STEAP1: variants seen among roughly 807,000 people sequenced by gnomAD.
STEAP1 encodes STEAP1 protein.
Under a neutral mutation model 34.4 loss-of-function variants are expected in STEAP1, and 30 were observed. The observed-to-expected ratio is 0.87, with a 90% confidence interval of 0.65 to 1.18. The LOEUF is 1.18. Among genes scored for constraint, STEAP1 ranks in the 50% most tolerant of loss-of-function variants. STEAP1 has a pLI of 0.00. For synonymous variants in STEAP1, 116 were observed against 135.3 expected, an observed-to-expected ratio of 0.86 and a Z score of 0.99; for missense variants, 318 against 391.1, an observed-to-expected ratio of 0.81 and a Z score of 1.58.
chr7:90,161,589 A>G (rs1396823225), intron 3 of STEAP1, among the ~76,000 whole-genome samples: 1 of 152,018 alleles, frequency 6.6e-6, no homozygotes, highest in Non-Finnish European at 1.5e-5. Flanking sequence ...AACTTCTACC[A>G]CCCTCACAAG....
intron 1 of STEAP1, among the ~76,000 whole-genome samples, chr7:90,155,839 G>A (rs192050724): frequency 1.3e-5 from 2 of 152,208 alleles, no homozygotes; most frequent in Admixed American, 6.5e-5. Context: ...CCCAGACTCC[G>A]TTTGTAGTGG....
rs547005188 is a variant in STEAP1, at chr7:90,157,016, TAG to T, written c.-32+2476_-32+2477del. Among the ~76,000 whole-genome samples, 330 of 152,346 alleles carry T rather than the reference TAG, an allele frequency of 2.2e-3. 1 individual carries two copies. The highest frequency in any genetic ancestry group is 6.8e-3 in the Middle Eastern group (2 of 294). On this transcript the variant is annotated intron_variant, in intron 1 of 4. Transcript: ENST00000297205. Reference sequence around the variant, plus strand: ...CTTGGAATAATGCTTCTTAAGGAGATAGAGTGTCATTTCCTCCAGAGCAGGCA... The same window carrying T: ...CTTGGAATAATGCTTCTTAAGGAGATAGTGTCATTTCCTCCAGAGCAGGCA...
At chr7:90,157,931 A>T (rs1562783782) in intron 1 of STEAP1, among the ~76,000 whole-genome samples, 1 of 152,220 alleles carries the variant, frequency 6.6e-6, no homozygotes. Context: ...CTTAGATGGT[A>T]CAGCCTCCTA....
At chr7:90,164,409 C>T (rs1466893126) in intron 4 of STEAP1, 68 bp from the exon 5 acceptor site, 3 of 1,497,776 alleles carry the variant, frequency 2.0e-6, no homozygotes, top group East Asian at 2.3e-5. Context: ...CAGAGCATAT[C>T]CAGATGAGGT....
At chr7:90,155,765 G>C (rs1269619311) in intron 1 of STEAP1, among the ~76,000 whole-genome samples, 1 of 152,124 alleles carries the variant, frequency 6.6e-6, no homozygotes, top group Non-Finnish European at 1.5e-5. Context: ...TTGCTCTTGA[G>C]TGTGGTCTCC....
At chr7:90,163,070 A>G (rs1328087116) in intron 4 of STEAP1, 1 of 394,272 alleles carries the variant, frequency 2.5e-6, no homozygotes, top group Non-Finnish European at 5.7e-6. Flanking sequence ...AACACTGCCA[A>G]TTACCGTTTA....
In STEAP1 at chr7:90,164,659, G is replaced by C. The variant is rs1332750970; in HGVS notation, c.945G>C (p.Lys315Asn). The change falls in exon 5 of 5, where the codon AAG (lysine) becomes AAC (asparagine). Residue 315 changes from lysine (K) to asparagine (N), a missense_variant. Transcript: ENST00000297205. ...KSILFLPCLRKKILKIRHGWE... is the reference protein window; with the variant it reads ...KSILFLPCLRNKILKIRHGWE... The stretch of plus-strand genomic sequence containing the variant: ...TACTATTCCTGCCATGCTTGAGGAA[G>C]AAGATACTGAAGATTAGACATGGTT... 6.2e-7 allele frequency: 1 copy of C among 1,613,658 alleles called. No individual in the cohort carries two copies.
chr7:90,160,457 GT>G, intron 2 of STEAP1, among the ~76,000 whole-genome samples: 1 of 151,184 alleles, frequency 6.6e-6, no homozygotes, highest in Non-Finnish European at 1.5e-5. Flanking sequence ...CTCAATGGAA[GT>G]TTTAGCAGAA....
At chr7:90,157,044 T>C (rs1183523699) in intron 1 of STEAP1, among the ~76,000 whole-genome samples, 1 of 152,242 alleles carries the variant, frequency 6.6e-6, no homozygotes, top group Non-Finnish European at 1.5e-5. Flanking sequence ...AGAGCAGGCA[T>C]GAGTGTCATT....
intron 1 of STEAP1, among the ~76,000 whole-genome samples, chr7:90,158,801 T>C (rs927580352): frequency 6.6e-6 from 1 of 152,224 alleles, no homozygotes; most frequent in Non-Finnish European, 1.5e-5. Flanking sequence ...CTGTTACATA[T>C]GCAGTCAGTC....
intron 1 of STEAP1, among the ~76,000 whole-genome samples, chr7:90,156,738 G>A (rs1185281091): frequency 2.0e-5 from 3 of 152,174 alleles, no homozygotes; most frequent in African/African-American, 4.8e-5. Flanking sequence ...TGTCTTCCAC[G>A]AAACCAGTCC....
In STEAP1 at chr7:90,164,822, C is replaced by A; in HGVS notation, c.*88C>A. 2 of 1,303,664 alleles carry A rather than the reference C, an allele frequency of 1.5e-6. No individual in the cohort carries two copies. Among genetic ancestry groups the A allele is most frequent in the Non-Finnish European group, 2.1e-6 (2 of 973,636 alleles). 80.8% of individuals were successfully genotyped at this position (1,303,664 alleles called of 1,614,324 possible). ...TGTATTTGTTAATAAAATGATTATT[C>A]AAGGATCTTGATGTTTCTCTTTGTA... is the stretch of plus-strand genomic sequence containing the variant. On this transcript the variant is annotated 3_prime_UTR_variant, in exon 5 of 5. Coordinates refer to ENST00000297205, the MANE Select transcript of STEAP1 (RefSeq NM_012449.3).
chr7:90,164,673 T>C lies in STEAP1; in HGVS notation c.959T>C (p.Ile320Thr). ...TGCTTGAGGAAGAAGATACTGAAGA[T>C]TAGACATGGTTGGGAAGACGTCACC... is the stretch of plus-strand genomic sequence containing the variant. ...LPCLRKKILK[I>T]RHGWEDVTKI... The change falls in exon 5 of 5, where the codon ATT becomes ACT. Residue 320 changes from isoleucine to threonine, a missense_variant. Physicochemically the swap from Ile to Thr is moderately conservative, Grantham distance 89. Transcript: ENST00000297205. The C allele has an allele frequency of 6.2e-7, 1 of 1,613,636 alleles. No homozygotes were observed. Among genetic ancestry groups the C allele is most frequent in the Non-Finnish European group, 8.5e-7 (1 of 1,179,782 alleles).
chr7:90,164,818 T>C lies in STEAP1; in HGVS notation c.*84T>C. The C allele has an allele frequency of 7.6e-7, 1 of 1,317,774 alleles. No homozygotes were observed. Among genetic ancestry groups the C allele is most frequent in the Non-Finnish European group, 1.0e-6 (1 of 984,850 alleles). The allele number at this position is 1,317,774 out of a possible 1,614,324, so 81.6% of individuals were successfully genotyped here. A position where few individuals can be genotyped will look rare whatever the true frequency, so the allele number is the denominator to read the frequency against. On this transcript the variant is annotated 3_prime_UTR_variant, in exon 5 of 5. Coordinates refer to ENST00000297205, the MANE Select transcript of STEAP1 (RefSeq NM_012449.3). ...AGTTTGTATTTGTTAATAAAATGAT[T>C]ATTCAAGGATCTTGATGTTTCTCTT...
At position 90,164,694 on chromosome 7, in the gene STEAP1, T is replaced by C. The variant is rs770404599; in HGVS notation, c.980T>C (p.Val327Ala). Residue 327 changes from valine to alanine, a missense_variant, in exon 5 of 5, where the codon GTC becomes GCC. Physicochemically the swap from Val to Ala is moderately conservative, Grantham distance 64. Transcript: ENST00000297205. ...AAGATTAGACATGGTTGGGAAGACGTCACCAAAATTAACAAAACTGAGATA... is the reference window on the plus strand; with the variant it reads ...AAGATTAGACATGGTTGGGAAGACGCCACCAAAATTAACAAAACTGAGATA... Reference protein sequence around the residue: ...ILKIRHGWEDVTKINKTEICS... With the variant: ...ILKIRHGWEDATKINKTEICS... 6 of 1,613,216 alleles carry C rather than the reference T, an allele frequency of 3.7e-6. No homozygotes were observed. In the Admixed American group the frequency reaches 8.3e-5, roughly 22 times the overall value.
chr7:90,161,219 C>T lies in STEAP1; in HGVS notation c.499C>T (p.Leu167Phe). Residue 167 changes from leucine (L) to phenylalanine (F), a missense_variant, in exon 3 of 5, where the codon CTC becomes TTC. Leu to Phe is a conservative substitution (Grantham distance 22). Transcript: ENST00000297205. Reference sequence around the variant, plus strand: ...GTTAACAAGAAAGCAGTTTGGGCTTCTCAGTTTCTTTTTTGCTGTACTGCA... The same window carrying T: ...GTTAACAAGAAAGCAGTTTGGGCTTTTCAGTTTCTTTTTTGCTGTACTGCA... ...WMLTRKQFGL[L>F]SFFFAVLHAI... 1 of 1,614,112 alleles carries T rather than the reference C, an allele frequency of 6.2e-7. No individual in the cohort carries two copies. Among genetic ancestry groups the T allele is most frequent in the Non-Finnish European group, 8.5e-7 (1 of 1,179,990 alleles).
chr7:90,158,036 TAGTA>T (rs1404600376), intron 1 of STEAP1, among the ~76,000 whole-genome samples: 12 of 152,206 alleles, frequency 7.9e-5, no homozygotes, highest in Non-Finnish European at 1.0e-4. Flanking sequence ...TGAAACACAA[TAGTA>T]AGTATTTGTG....
intron 1 of STEAP1, among the ~76,000 whole-genome samples, chr7:90,156,622 G>A (rs1438416828): frequency 6.6e-6 from 1 of 152,232 alleles, no homozygotes; most frequent in Non-Finnish European, 1.5e-5. Flanking sequence ...CACATGCAAG[G>A]GATCTAGGTT....
intron 4 of STEAP1, among the ~76,000 whole-genome samples, chr7:90,162,728 AT>A (rs1357602320): frequency 2.6e-5 from 4 of 152,166 alleles, no homozygotes; most frequent in Admixed American, 2.0e-4. Context: ...CTTAAAAAAA[AT>A]ATTCTTTTAC....
Sources: allele counts gnomAD v4.1 joint callset (sites outside exome capture counted in the v4.1 genomes callset), GRCh38; gene constraint gnomAD v4.1.1; transcripts MANE v1.5; gene names NCBI Gene and HGNC (gene_info 2026-07-23, HGNC 2026-07-21).